Variants in FANCC observed in about 807,000 individuals in gnomAD.
The protein encoded by FANCC is FA complementation group C, also known as Fanconi anemia group C protein.
Under a neutral mutation model 71.3 loss-of-function variants are expected in FANCC, and 55 were observed. That is an observed-to-expected ratio of 0.77 (90% CI 0.62 to 0.97). The LOEUF (loss-of-function observed/expected upper bound fraction) is 0.97, where lower values mean the gene tolerates loss of function less well. Among genes scored for constraint, FANCC ranks in the 50% least tolerant of loss-of-function variants. FANCC has a pLI of 0.00. For synonymous variants in FANCC, 275 were observed against 244.9 expected (o/e 1.12, Z -1.15); for missense variants, 678 against 670.9 (o/e 1.01, Z -0.12).
In FANCC at chr9:95,171,473, AGTT is replaced by A. The variant is rs535355881; in HGVS notation, c.457-333_457-331del. Among the ~76,000 whole-genome samples the A allele has an allele frequency of 3.5e-3, 530 of 152,124 alleles. 5 individuals carry two copies. Among genetic ancestry groups the A allele is most frequent in the Middle Eastern group, 6.8e-3 (2 of 294 alleles). ...TCAGTTCATTTGAAAAAAAAAAAAA[AGTT>A]GTTATTGTACAAAGCTTCCAAAACA... On this transcript the variant is annotated intron_variant, in intron 5 of 14. Coordinates refer to ENST00000289081, the MANE Select transcript of FANCC (RefSeq NM_000136.3).
chr9:95,275,526 C>A (rs1164952599), intron 1 of FANCC, among the ~76,000 whole-genome samples: 2 of 151,704 alleles, frequency 1.3e-5, no homozygotes, highest in Admixed American at 6.6e-5. Context: ...GCATGTTCAT[C>A]AATTTTAACA....
In FANCC at chr9:95,100,286, T is replaced by C. The variant is rs2134374104; in HGVS notation, c.*1421A>G. 4.3e-6 allele frequency: 1 copy of C among 232,682 alleles called. No individual in the cohort carries two copies. Among genetic ancestry groups the C allele is most frequent in the South Asian group, 1.8e-4 (1 of 5,522 alleles). The allele number at this position is 232,682 out of a possible 1,614,324, so 14.4% of individuals were successfully genotyped here. On this transcript the variant is annotated 3_prime_UTR_variant, in exon 15 of 15. Transcript: ENST00000289081. ...GATGGCAGCTGCCACCAAAATACTT[T>C]ACCAGCACACCCTTCTGACTGCAGC...
intron 6 of FANCC, among the ~76,000 whole-genome samples, chr9:95,162,267 C>T (rs916116270): frequency 6.6e-6 from 1 of 152,208 alleles, no homozygotes; most frequent in Admixed American, 6.5e-5. Flanking sequence ...TTCATCCACA[C>T]TGTAGCATAT....
chr9:95,307,490 C>A (rs983400031), intron 1 of FANCC, among the ~76,000 whole-genome samples: 1 of 152,090 alleles, frequency 6.6e-6, no homozygotes, highest in African/African-American at 2.4e-5. Context: ...ACCAGAGAAC[C>A]CTGATTAATG....
chr9:95,110,921 C>A, intron 13 of FANCC: 4 of 1,319,644 alleles, frequency 3.0e-6, no homozygotes, highest in African/African-American at 1.5e-5. Context: ...TAGGAAATGA[C>A]CAACTTCTTT....
chr9:95,141,693 G>T (rs985342230), intron 7 of FANCC, among the ~76,000 whole-genome samples: 10 of 152,038 alleles, frequency 6.6e-5, no homozygotes, highest in African/African-American at 2.4e-4. Context: ...TCCTTTTTTG[G>T]GGTAACTTGA....
chr9:95,295,248 C>T (rs1299320948), intron 1 of FANCC, among the ~76,000 whole-genome samples: 1 of 152,102 alleles, frequency 6.6e-6, no homozygotes, highest in East Asian at 1.9e-4. Context: ...CGTGAAGAGA[C>T]AACCTACAGA....
intron 7 of FANCC, among the ~76,000 whole-genome samples, chr9:95,139,644 T>C (rs1446012470): frequency 1.3e-5 from 2 of 151,564 alleles, no homozygotes; most frequent in Admixed American, 1.3e-4. Context: ...TCTGGAGTGA[T>C]GTGGCTATGG....
intron 4 of FANCC, among the ~76,000 whole-genome samples, chr9:95,222,365 C>T (rs1016967875): frequency 7.3e-5 from 11 of 151,720 alleles, no homozygotes; most frequent in Non-Finnish European, 1.0e-4. Context: ...AACATTATGC[C>T]GAATGAAGGA....
At chr9:95,275,968 C>T (rs1470672684) in intron 1 of FANCC, among the ~76,000 whole-genome samples, 2 of 152,144 alleles carry the variant, frequency 1.3e-5, no homozygotes, top group Non-Finnish European at 2.9e-5. Flanking sequence ...TGGCAGGAGC[C>T]ACAGGACTCA....
chr9:95,160,603 A>G (rs551838488), intron 6 of FANCC, among the ~76,000 whole-genome samples: 11 of 152,260 alleles, frequency 7.2e-5, no homozygotes, highest in African/African-American at 2.2e-4. Flanking sequence ...CATTGAATCT[A>G]TAAATTACCT....
chr9:95,279,633 T>C (rs149022395), intron 1 of FANCC, among the ~76,000 whole-genome samples: 7 of 151,904 alleles, frequency 4.6e-5, no homozygotes, highest in Admixed American at 4.6e-4. Context: ...GTCAATAATA[T>C]CATGGATGTG....
chr9:95,243,209 G>A (rs1027392693), intron 3 of FANCC, among the ~76,000 whole-genome samples: 3 of 152,216 alleles, frequency 2.0e-5, no homozygotes, highest in Non-Finnish European at 4.4e-5. Flanking sequence ...GTGAAGAAGA[G>A]AGGTAACAGC....
At chr9:95,248,584 T>C (rs1159790818) in intron 2 of FANCC, among the ~76,000 whole-genome samples, 1 of 152,038 alleles carries the variant, frequency 6.6e-6, no homozygotes, top group Non-Finnish European at 1.5e-5. Flanking sequence ...GCTCATAATA[T>C]AACAACATGT....
rs966006902 is a variant in FANCC, at chr9:95,231,639, C to G, written c.345+9010G>C. On this transcript the variant is annotated intron_variant, in intron 4 of 14. Coordinates refer to ENST00000289081, the MANE Select transcript of FANCC (RefSeq NM_000136.3). ...ATGGGATAAAGAACCCCGTCCTTAG[C>G]TGAACTAGGGAAAAGTCCTGCAACA... Among the ~76,000 whole-genome samples the G allele has an allele frequency of 2.0e-5, 3 of 152,308 alleles. No homozygotes were observed. In the Middle Eastern group the frequency reaches 0.01, roughly 518 times the overall value.
chr9:95,146,122 T>A (rs1002312112), intron 7 of FANCC, among the ~76,000 whole-genome samples: 4 of 152,204 alleles, frequency 2.6e-5, no homozygotes, highest in African/African-American at 7.2e-5. Context: ...TTTGTTTTTT[T>A]AAAATGCATT....
chr9:95,268,947 A>G (rs146786020), intron 1 of FANCC, among the ~76,000 whole-genome samples: 1 of 152,292 alleles, frequency 6.6e-6, no homozygotes, highest in Non-Finnish European at 1.5e-5. Flanking sequence ...ATAGCACAAG[A>G]GCACCACCTA....
At chr9:95,219,311 T>C (rs1014946804) in intron 4 of FANCC, among the ~76,000 whole-genome samples, 2 of 152,152 alleles carry the variant, frequency 1.3e-5, no homozygotes, top group Non-Finnish European at 1.5e-5. Flanking sequence ...CAGCCATGTA[T>C]ACAGCGGAAT....
At chr9:95,266,517 T>C (rs1832393756) in intron 1 of FANCC, among the ~76,000 whole-genome samples, 1 of 152,246 alleles carries the variant, frequency 6.6e-6, no homozygotes, top group South Asian at 2.1e-4. Flanking sequence ...TTTTCACCTC[T>C]GTTCTTTTAT....
Sources: gnomAD v4.1 joint callset for allele counts (sites outside exome capture counted in the v4.1 genomes callset) on GRCh38, gnomAD v4.1.1 for gene constraint, MANE v1.5 for transcripts, NCBI Gene and HGNC (gene_info 2026-07-23, HGNC 2026-07-21) for gene names.